The following ZNF892 variants were observed in gnomAD, a reference collection of about 807,000 sequenced individuals.
ZNF892 encodes zinc finger protein 892.
At chr2:95,214,914 C>T in the ZNF892 span, 24 of 501,352 alleles carry the variant, frequency 4.8e-5, no homozygotes, top group Admixed American at 1.6e-4. Context: ...AGCCCTTATT[C>T]GGCATCATAT....
chr2:95,229,623 G>T, the ZNF892 span, among the ~76,000 whole-genome samples: 6 of 152,162 alleles, frequency 3.9e-5, no homozygotes, highest in Non-Finnish European at 8.8e-5. Context: ...CATTCTGTAT[G>T]TATCAGTTGT....
chr2:95,216,397 G>T, the ZNF892 span, among the ~76,000 whole-genome samples: 1 of 152,260 alleles, frequency 6.6e-6, no homozygotes, highest in South Asian at 2.1e-4. Flanking sequence ...GACCTTTGAT[G>T]TGTTCAAACT....
At chr2:95,259,044 G>A in the ZNF892 span, 1 of 152,156 alleles carries the variant, frequency 6.6e-6, no homozygotes, top group Admixed American at 6.6e-5. Flanking sequence ...AGGTGCAAGG[G>A]AGAGAATTAC....
chr2:95,222,242 C>T, the ZNF892 span, among the ~76,000 whole-genome samples: 3 of 152,088 alleles, frequency 2.0e-5, no homozygotes, highest in Non-Finnish European at 4.4e-5. Flanking sequence ...AGCCATTAAC[C>T]CACTGAAGCA....
chr2:95,248,243 C>T, the ZNF892 span, among the ~76,000 whole-genome samples: 63 of 152,252 alleles, frequency 4.1e-4, no homozygotes, highest in Non-Finnish European at 7.1e-4. Flanking sequence ...AACAGAAAAC[C>T]AAATACCACA....
chr2:95,245,355 A>G, the ZNF892 span, among the ~76,000 whole-genome samples: 1 of 138,874 alleles, frequency 7.2e-6, no homozygotes, highest in Admixed American at 8.1e-5. Flanking sequence ...GGTTCATGCC[A>G]TTCTCCTGCC....
chr2:95,207,632 G>A, the ZNF892 span: 3 of 393,582 alleles, frequency 7.6e-6, no homozygotes, highest in African/African-American at 4.1e-5. Flanking sequence ...CAGGGTAGAG[G>A]AGGGCTGAAC....
the ZNF892 span, among the ~76,000 whole-genome samples, chr2:95,245,947 G>C: frequency 6.6e-6 from 1 of 152,252 alleles, no homozygotes; most frequent in Admixed American, 6.5e-5. Flanking sequence ...ACAAAGAAGA[G>C]CTGGTACTAT....
chr2:95,258,758 T>G, the ZNF892 span, among the ~76,000 whole-genome samples: 1 of 152,054 alleles, frequency 6.6e-6, no homozygotes, highest in Non-Finnish European at 1.5e-5. Context: ...CTAGAGCAAA[T>G]GGGGCATCTT....
chr2:95,211,400 C>G, the ZNF892 span, among the ~76,000 whole-genome samples: 1 of 152,186 alleles, frequency 6.6e-6, no homozygotes, highest in Non-Finnish European at 1.5e-5. Flanking sequence ...TTCCTACTTG[C>G]AGGTAATATG....
At chr2:95,220,167 G>A in the ZNF892 span, among the ~76,000 whole-genome samples, 1 of 152,168 alleles carries the variant, frequency 6.6e-6, no homozygotes, top group Non-Finnish European at 1.5e-5. Context: ...AAAGGTGGAG[G>A]ACTGAGGAGC....
At chr2:95,239,947 A>G in the ZNF892 span, among the ~76,000 whole-genome samples, 3 of 152,180 alleles carry the variant, frequency 2.0e-5, no homozygotes, top group South Asian at 2.1e-4. Context: ...TAGTTTAAAC[A>G]TAACTTATAT....
the ZNF892 span, among the ~76,000 whole-genome samples, chr2:95,256,072 T>C: frequency 2.9e-4 from 44 of 151,922 alleles, 1 homozygote; most frequent in Admixed American, 2.9e-3. Context: ...GCATTTATCA[T>C]TTAAGGTTAA....
At chr2:95,242,902 C>T in the ZNF892 span, among the ~76,000 whole-genome samples, 34 of 152,300 alleles carry the variant, frequency 2.2e-4, no homozygotes, top group African/African-American at 7.2e-4. Flanking sequence ...GATGCCCAGC[C>T]GAACCTGGAC....
At chr2:95,220,401 T>G in the ZNF892 span, among the ~76,000 whole-genome samples, 1 of 151,508 alleles carries the variant, frequency 6.6e-6, no homozygotes, top group East Asian at 1.9e-4. Flanking sequence ...TGCCAGCTTC[T>G]CTAGAACCCG....
At chr2:95,262,781 A>G in the ZNF892 span, among the ~76,000 whole-genome samples, 11 of 152,286 alleles carry the variant, frequency 7.2e-5, no homozygotes, top group East Asian at 1.7e-3. Context: ...CCCCACTGTT[A>G]TTTGGAGTTT....
At chr2:95,243,836 G>A in the ZNF892 span, among the ~76,000 whole-genome samples, 1 of 152,184 alleles carries the variant, frequency 6.6e-6, no homozygotes, top group Admixed American at 6.5e-5. Context: ...CCCCGTCTGG[G>A]AGGTGTACCC....
the ZNF892 span, among the ~76,000 whole-genome samples, chr2:95,211,939 A>G: frequency 6.6e-6 from 1 of 152,182 alleles, no homozygotes; most frequent in African/African-American, 2.4e-5. Context: ...CTTCTTCTCA[A>G]CTCCTTGACC....
At chr2:95,213,670 G>T in the ZNF892 span, among the ~76,000 whole-genome samples, 1 of 152,114 alleles carries the variant, frequency 6.6e-6, no homozygotes, top group East Asian at 1.9e-4. Context: ...GCAATCAGAG[G>T]TGATTAGTTG....
Sources: gnomAD v4.1 joint callset for allele counts (sites outside exome capture counted in the v4.1 genomes callset) on GRCh38, gnomAD v4.1.1 for gene constraint, MANE v1.5 for transcripts, NCBI Gene and HGNC (gene_info 2026-07-23, HGNC 2026-07-21) for gene names.